Variants in PADI3 observed in about 807,000 individuals in gnomAD.
PADI3 encodes protein-arginine deiminase type-3.
Under a neutral mutation model 71.5 loss-of-function variants are expected in PADI3, and 53 were observed. That is an observed-to-expected ratio of 0.74 (90% confidence interval 0.59 to 0.93). PADI3 has a LOEUF of 0.93. Among genes scored for constraint, PADI3 ranks in the 40% least tolerant of loss-of-function variants. The pLI is 0.00. For synonymous variants in PADI3, 361 were observed against 347.5 expected, an observed-to-expected ratio of 1.04 and a Z score of -0.43; for missense variants, 821 against 868.0, an observed-to-expected ratio of 0.95 and a Z score of 0.68.
chr1:17,264,917 G>A (rs2100573638), intron 3 of PADI3, among the ~76,000 whole-genome samples: 1 of 151,558 alleles, frequency 6.6e-6, no homozygotes, highest in South Asian at 2.1e-4. Context: ...GCTGAAGTGG[G>A]AGGATTACTT....
At position 17,270,217 on chromosome 1, in the gene PADI3, G is replaced by A. The variant is rs750393577; in HGVS notation, c.653-16G>A. The A allele has an allele frequency of 1.0e-5, 16 of 1,602,392 alleles. No homozygotes were observed. In the Admixed American group the frequency reaches 1.2e-4, roughly 12 times the overall value. The stretch of plus-strand genomic sequence containing the variant: ...GCCCACAGGGAGTCACAGCCACCCC[G>A]TCCCTCCCCTTCCAGGTCCTGAGGA... On this transcript the variant is annotated splice_polypyrimidine_tract_variant and intron_variant, in intron 6 of 15. Transcript: ENST00000375460.
intron 6 of PADI3, among the ~76,000 whole-genome samples, chr1:17,269,279 C>T (rs561257626): frequency 5.9e-5 from 9 of 152,282 alleles, no homozygotes; most frequent in South Asian, 2.1e-4. Flanking sequence ...GCTTTCCAAC[C>T]GGCTTCTTTC....
chr1:17,279,608 C>A (rs865997418), intron 13 of PADI3, among the ~76,000 whole-genome samples: 16 of 152,172 alleles, frequency 1.1e-4, no homozygotes, highest in African/African-American at 3.6e-4. Context: ...ACCTGTGTGA[C>A]CTTTGGCAAG....
intron 13 of PADI3, among the ~76,000 whole-genome samples, chr1:17,277,616 C>A (rs1237617979): frequency 6.6e-6 from 1 of 152,252 alleles, no homozygotes; most frequent in Non-Finnish European, 1.5e-5. Flanking sequence ...GGCACAGATT[C>A]TCTGCTGCCT....
chr1:17,270,624 C>A (rs116476520), intron 7 of PADI3, among the ~76,000 whole-genome samples: 2,750 of 152,084 alleles, frequency 0.018, 49 homozygotes, highest in African/African-American at 0.046. Flanking sequence ...CACTCCACAG[C>A]CTGGGCAACA....
chr1:17,273,399 C>A lies in PADI3; in HGVS notation c.1107C>A (p.Asp369Glu). ...ACAAGACCCTCCCGGTGGTCTTTGACTCCCCAAGGAATGGGGAACTGCAGG... is the reference window on the plus strand; with the variant it reads ...ACAAGACCCTCCCGGTGGTCTTTGAATCCCCAAGGAATGGGGAACTGCAGG... The part of the protein sequence containing the change: ...APHKTLPVVF[D>E]SPRNGELQDF... The change falls in exon 10 of 16, where the codon GAC becomes GAA. Residue 369 changes from aspartate to glutamate, a missense_variant. By Grantham distance (45) the Asp-to-Glu change is conservative. Transcript: ENST00000375460. The A allele has an allele frequency of 6.2e-7, 1 of 1,613,786 alleles. No individual in the cohort carries two copies. Among genetic ancestry groups the A allele is most frequent in the East Asian group, 2.2e-5 (1 of 44,862 alleles).
intron 1 of PADI3, among the ~76,000 whole-genome samples, chr1:17,253,912 T>C (rs1317513224): frequency 6.6e-6 from 1 of 152,182 alleles, no homozygotes; most frequent in Non-Finnish European, 1.5e-5. Flanking sequence ...GAACAGTGGG[T>C]TTCAATTTCC....
At chr1:17,271,641 T>C (rs2073252774) in intron 9 of PADI3, among the ~76,000 whole-genome samples, 1 of 151,496 alleles carries the variant, frequency 6.6e-6, no homozygotes, top group Non-Finnish European at 1.5e-5. Context: ...ACTCCTACTA[T>C]CTAGTGTGTA....
intron 2 of PADI3, among the ~76,000 whole-genome samples, chr1:17,260,922 G>A (rs2073094941): frequency 6.6e-6 from 1 of 152,046 alleles, no homozygotes. Flanking sequence ...GATGGCTGGT[G>A]GGATGGAGGA....
chr1:17,257,413 ATT>A (rs1406016231), intron 1 of PADI3, among the ~76,000 whole-genome samples: 1 of 152,214 alleles, frequency 6.6e-6, no homozygotes, highest in Non-Finnish European at 1.5e-5. Context: ...ATAATTAATA[ATT>A]TTTTTAGTAT....
intron 1 of PADI3, 51 bp from the exon 2 acceptor site, chr1:17,259,527 G>A (rs376978164): frequency 6.6e-7 from 1 of 1,505,864 alleles, no homozygotes; most frequent in Non-Finnish European, 8.9e-7. Flanking sequence ...TCAAACATCT[G>A]AGCAAAATAT....
rs1208129083 is a variant in PADI3 at position 17,271,079 on chromosome 1, C to T, written c.948C>T (p.Asn316=). The change falls in exon 9 of 16, where the codon AAC becomes AAT. Residue 316 remains asparagine, a synonymous_variant. Coordinates refer to ENST00000375460, the MANE Select transcript of PADI3 (RefSeq NM_016233.2). ...GGCTTGTCCGTAGTGTGAGGAACAA[C>T]ACGTGTTTTGTGGATGCGGTGGCAG... ...LEVYVCRVRN[N]TCFVDAVAEL... is the part of the protein sequence containing the mutation. 2.5e-6 allele frequency: 4 copies of T among 1,614,100 alleles called. No homozygotes were observed. The African/African-American group carries it at 4.0e-5, about 16-fold the overall frequency.
chr1:17,266,664 G>A (rs2100576976), intron 4 of PADI3, 55 bp from the exon 5 acceptor site: 1 of 1,463,604 alleles, frequency 6.8e-7, no homozygotes, highest in Non-Finnish European at 9.6e-7. Flanking sequence ...TCCTGGGTAG[G>A]GAGGCACAGG....
chr1:17,280,690 G>C lies in PADI3; in HGVS notation c.1655G>C (p.Arg552Pro). Residue 552 changes from arginine to proline, a missense_variant, in exon 15 of 16, where the codon CGT becomes CCT. Transcript: ENST00000375460. The stretch of plus-strand genomic sequence containing the variant: ...CCCCAGAGCTGCATCGACTGGAACC[G>C]TGAGGTGCTGAAGCGGGAGCTGGGC... ...KFVQSCIDWN[R>P]EVLKRELGLA... The C allele has an allele frequency of 6.2e-7, 1 of 1,614,164 alleles. No homozygotes were observed. Among genetic ancestry groups the C allele is most frequent in the South Asian group, 1.1e-5 (1 of 91,080 alleles).
Position 17,280,685 on chromosome 1 carries a change from G to T in PADI3, c.1650G>T (p.Trp550Cys), listed in dbSNP as rs766642983. The stretch of plus-strand genomic sequence containing the variant: ...CCTGCCCCCAGAGCTGCATCGACTG[G>T]AACCGTGAGGTGCTGAAGCGGGAGC... The part of the protein sequence containing the change: ...YNKFVQSCID[W>C]NREVLKRELG... Residue 550 changes from tryptophan to cysteine, a missense_variant, in exon 15 of 16, where the codon TGG (tryptophan) becomes TGT (cysteine). By Grantham distance (215) the Trp-to-Cys change is radical. Transcript: ENST00000375460. 6.7e-5 allele frequency: 108 copies of T among 1,614,042 alleles called. No homozygotes were observed. The highest frequency in any genetic ancestry group is 8.6e-5 in the Non-Finnish European group (102 of 1,180,032).
intron 15 of PADI3, among the ~76,000 whole-genome samples, chr1:17,282,531 T>C (rs1475888540): frequency 6.6e-6 from 1 of 152,198 alleles, no homozygotes; most frequent in Non-Finnish European, 1.5e-5. Flanking sequence ...CTGTTCTCCC[T>C]GGCCCAATCA....
At chr1:17,252,727 A>G (rs1213811543) in intron 1 of PADI3, among the ~76,000 whole-genome samples, 1 of 152,164 alleles carries the variant, frequency 6.6e-6, no homozygotes, top group Non-Finnish European at 1.5e-5. Context: ...AATGGGCAAA[A>G]TCAAAATCCC....
In PADI3 at chr1:17,249,156, G is replaced by T. The variant is rs778378325; in HGVS notation, c.19G>T (p.Val7Leu). Reference protein sequence around the residue: MSLQRIVRVSLEHPTSA... With the variant: MSLQRILRVSLEHPTSA... ...CACCAGCATGTCGCTGCAGAGAATC[G>T]TGCGTGTGTCCCTGGAGCATCCCAC... Residue 7 changes from valine to leucine, a missense_variant, in exon 1 of 16, where the codon GTG (valine) becomes TTG (leucine). Transcript: ENST00000375460. 18 of 1,614,040 alleles carry T rather than the reference G, an allele frequency of 1.1e-5. No homozygotes were observed. The African/African-American group carries it at 2.3e-4, about 20-fold the overall frequency.
Position 17,283,175 on chromosome 1 carries a change from C to A in PADI3, c.*96C>A. 1.1e-6 allele frequency: 1 copy of A among 919,222 alleles called. No homozygotes were observed. The highest frequency in any genetic ancestry group is 1.7e-6 in the Non-Finnish European group (1 of 587,942). The allele number at this position is 919,222 out of a possible 1,614,324, so 56.9% of individuals were successfully genotyped here. A position where few individuals can be genotyped will look rare whatever the true frequency, so the allele number is the denominator to read the frequency against. ...CCCTGAACGATAAGCACCAAGAGACCCCAAGGCTCCAGATGGAACACTGAG... is the reference window on the plus strand; with the variant it reads ...CCCTGAACGATAAGCACCAAGAGACACCAAGGCTCCAGATGGAACACTGAG... On this transcript the variant is annotated 3_prime_UTR_variant, in exon 16 of 16. Coordinates refer to ENST00000375460, the MANE Select transcript of PADI3 (RefSeq NM_016233.2).
Sources: gnomAD v4.1 joint callset for allele counts (sites outside exome capture counted in the v4.1 genomes callset) on GRCh38, gnomAD v4.1.1 for gene constraint, MANE v1.5 for transcripts, NCBI Gene and HGNC (gene_info 2026-07-23, HGNC 2026-07-21) for gene names.